ZBTB16: variants seen among roughly 807,000 people sequenced by gnomAD.
ZBTB16 encodes zinc finger and BTB domain-containing protein 16.
In ZBTB16, 8 loss-of-function variants were observed where a neutral mutation model predicts 56.8. That is an observed-to-expected ratio of 0.14 (90% confidence interval 0.08 to 0.25). ZBTB16 has a LOEUF of 0.25. Among genes scored for constraint, ZBTB16 ranks in the 10% least tolerant of loss-of-function variants. The pLI is 1.00. For synonymous variants in ZBTB16, 363 were observed against 368.5 expected, an observed-to-expected ratio of 0.98 and a Z score of 0.17; for missense variants, 625 against 903.0, an observed-to-expected ratio of 0.69 and a Z score of 3.95.
chr11:114,249,623 G>A (rs1383576254), intron 6 of ZBTB16, among the ~76,000 whole-genome samples: 1 of 146,054 alleles, frequency 6.8e-6, no homozygotes, highest in African/African-American at 2.6e-5. Flanking sequence ...AAATTAGCCG[G>A]GCGCGGTGGC....
chr11:114,203,624 T>C (rs1050768207), intron 4 of ZBTB16, among the ~76,000 whole-genome samples: 4 of 149,258 alleles, frequency 2.7e-5, no homozygotes, highest in Admixed American at 1.3e-4. Flanking sequence ...AATTTTATGG[T>C]ACATGAATTA....
At chr11:114,193,174 C>T (rs1353069751) in intron 4 of ZBTB16, among the ~76,000 whole-genome samples, 3 of 152,164 alleles carry the variant, frequency 2.0e-5, no homozygotes, top group South Asian at 2.1e-4. Flanking sequence ...GGTCAGCTAC[C>T]GAGTGCCCCC....
chr11:114,210,290 C>T (rs910914795), intron 4 of ZBTB16, among the ~76,000 whole-genome samples: 3 of 151,984 alleles, frequency 2.0e-5, no homozygotes, highest in African/African-American at 7.2e-5. Context: ...ATTCAAAAGC[C>T]GGTGGGGTGG....
At chr11:114,076,387 G>A (rs1939564992) in intron 2 of ZBTB16, among the ~76,000 whole-genome samples, 1 of 152,184 alleles carries the variant, frequency 6.6e-6, no homozygotes, top group Non-Finnish European at 1.5e-5. Context: ...CGCTCACGGA[G>A]GCAAGTTCTC....
At chr11:114,072,347 G>C (rs147055447) in intron 2 of ZBTB16, among the ~76,000 whole-genome samples, 2 of 152,176 alleles carry the variant, frequency 1.3e-5, no homozygotes, top group African/African-American at 4.8e-5. Context: ...TCCAGTTCTC[G>C]TTTAAATTTA....
chr11:114,195,564 C>T (rs781373945), intron 4 of ZBTB16, among the ~76,000 whole-genome samples: 1 of 152,132 alleles, frequency 6.6e-6, no homozygotes, highest in Non-Finnish European at 1.5e-5. Context: ...GTTTGTCATG[C>T]AGATTGCAGG....
At chr11:114,178,305 G>A (rs1943167769) in intron 3 of ZBTB16, among the ~76,000 whole-genome samples, 1 of 152,146 alleles carries the variant, frequency 6.6e-6, no homozygotes, top group African/African-American at 2.4e-5. Context: ...GCCAGACAGG[G>A]TATTAAACAC....
intron 2 of ZBTB16, among the ~76,000 whole-genome samples, chr11:114,106,893 CCT>C (rs1334501035): frequency 1.3e-5 from 2 of 152,146 alleles, no homozygotes; most frequent in Non-Finnish European, 2.9e-5. Flanking sequence ...TGGAAGTTCC[CCT>C]GATTCCAGAA....
chr11:114,167,311 C>CTGTGTTT (rs1440275407), intron 3 of ZBTB16, among the ~76,000 whole-genome samples: 1 of 62,068 alleles, frequency 1.6e-5, no homozygotes, highest in African/African-American at 1.6e-4. Context: ...GCTGTGTTTT[C>CTGTGTTT]TCTCTCTCTC....
At chr11:114,186,701 C>T (rs544126) in intron 3 of ZBTB16, among the ~76,000 whole-genome samples, 88,087 of 151,892 alleles carry the variant, frequency 0.58, 26,110 homozygotes, top group African/African-American at 0.69. Flanking sequence ...AACCCATTTC[C>T]GTTTATCTTG....
chr11:114,239,989 T>C (rs1944669401), intron 4 of ZBTB16, among the ~76,000 whole-genome samples: 1 of 152,224 alleles, frequency 6.6e-6, no homozygotes, highest in South Asian at 2.1e-4. Context: ...CCTTGTAGGA[T>C]TGCAAGTTTT....
intron 2 of ZBTB16, among the ~76,000 whole-genome samples, chr11:114,153,812 A>G (rs1462740849): frequency 6.6e-6 from 1 of 152,222 alleles, no homozygotes; most frequent in African/African-American, 2.4e-5. Flanking sequence ...TTTTGTCTCT[A>G]TTCAAAATAT....
At chr11:114,087,589 A>C (rs933518634) in intron 2 of ZBTB16, among the ~76,000 whole-genome samples, 2 of 152,160 alleles carry the variant, frequency 1.3e-5, no homozygotes, top group Non-Finnish European at 2.9e-5. Context: ...CTACTTAACC[A>C]GATGGCTGTC....
intron 2 of ZBTB16, among the ~76,000 whole-genome samples, chr11:114,128,322 C>T (rs767481845): frequency 2.6e-5 from 4 of 152,160 alleles, no homozygotes; most frequent in Admixed American, 6.5e-5. Flanking sequence ...CCTGAACACC[C>T]GGGAGCACCT....
Position 114,183,277 on chromosome 11 carries a change from G to C in ZBTB16, c.1367-3675G>C, listed in dbSNP as rs145279670. Reference sequence around the variant, plus strand: ...CTCAGTGTCGTGACTTCAGCGAGGTGGGGGTGGAGTGGCGGGACTTTGAAG... The same window carrying C: ...CTCAGTGTCGTGACTTCAGCGAGGTCGGGGTGGAGTGGCGGGACTTTGAAG... On this transcript the variant is annotated intron_variant, in intron 3 of 6. Transcript: ENST00000335953. Among the ~76,000 whole-genome samples the C allele has an allele frequency of 9.3e-3, 1,422 of 152,332 alleles. 16 individuals are homozygous for C. The highest frequency in any genetic ancestry group is 0.032 in the African/African-American group (1,348 of 41,574).
intron 2 of ZBTB16, among the ~76,000 whole-genome samples, chr11:114,096,774 C>T (rs571981295): frequency 6.6e-6 from 1 of 152,308 alleles, no homozygotes; most frequent in South Asian, 2.1e-4. Flanking sequence ...CGTGGCTTCC[C>T]GCTTCAGCGA....
In ZBTB16 at chr11:114,256,156, G is replaced by A. The variant is rs1204163569; in HGVS notation, c.*5601G>A. On this transcript the variant is annotated 3_prime_UTR_variant, in exon 7 of 7. Coordinates refer to ENST00000335953, the MANE Select transcript of ZBTB16 (RefSeq NM_006006.6). ...AGACTTATCTATGTGTCACTTTTATGCCACATTTACAAGGCACAGATGCAC... is the reference window on the plus strand; with the variant it reads ...AGACTTATCTATGTGTCACTTTTATACCACATTTACAAGGCACAGATGCAC... 6.6e-6 allele frequency among the ~76,000 whole-genome samples: 1 copy of A among 151,500 alleles called. No individual in the cohort carries two copies.
chr11:114,199,102 T>C (rs1418037000), intron 4 of ZBTB16, among the ~76,000 whole-genome samples: 2 of 152,058 alleles, frequency 1.3e-5, no homozygotes, highest in South Asian at 2.1e-4. Flanking sequence ...TGCTGGGTCC[T>C]GGGATAGGGA....
intron 4 of ZBTB16, among the ~76,000 whole-genome samples, chr11:114,199,846 G>C (rs918918708): frequency 3.3e-5 from 5 of 152,078 alleles, no homozygotes; most frequent in Non-Finnish European, 5.9e-5. Context: ...CATACATGTG[G>C]GGCCGGGCAC....
Sources: allele counts gnomAD v4.1 joint callset (sites outside exome capture counted in the v4.1 genomes callset), GRCh38; gene constraint gnomAD v4.1.1; transcripts MANE v1.5; gene names NCBI Gene and HGNC (gene_info 2026-07-23, HGNC 2026-07-21).